PRKG2: variants seen among roughly 807,000 people sequenced by gnomAD.
PRKG2 encodes the protein protein kinase cGMP-dependent 2.
PRKG2 carries 33 observed loss-of-function variants against 97.2 expected under a neutral mutation model. The ratio of observed to expected loss-of-function variants is 0.34; its 90% CI spans 0.26 to 0.45. The LOEUF (loss-of-function observed/expected upper bound fraction) is 0.45. PRKG2 is among the 20% of genes least tolerant of loss of function. The pLI, the probability that PRKG2 is intolerant of heterozygous loss-of-function variation, is 1.00. For synonymous variants in PRKG2, 330 were observed against 321.8 expected, an observed-to-expected ratio of 1.03 and a Z score of -0.27; for missense variants, 638 against 900.0, an observed-to-expected ratio of 0.71 and a Z score of 3.73.
At chr4:81,122,801 G>A (rs1745191546) in intron 14 of PRKG2, among the ~76,000 whole-genome samples, 1 of 152,182 alleles carries the variant, frequency 6.6e-6, no homozygotes, top group Non-Finnish European at 1.5e-5. Context: ...AAGACATTGT[G>A]TCCAAAACTG....
intron 6 of PRKG2, among the ~76,000 whole-genome samples, chr4:81,154,436 C>A (rs559310970): frequency 3.0e-4 from 46 of 151,286 alleles, no homozygotes; most frequent in Admixed American, 9.2e-4. Flanking sequence ...AACGGGCAGA[C>A]TGCCTCCTCA....
chr4:81,142,741 CAA>C, intron 11 of PRKG2, 51 bp downstream of exon 11: 1 of 1,453,552 alleles, frequency 6.9e-7, no homozygotes, highest in South Asian at 1.5e-5. Context: ...GAATATAAAA[CAA>C]AAAAAAAGTC....
intron 10 of PRKG2, 56 bp from the exon 11 acceptor site, chr4:81,143,003 T>C: frequency 1.3e-6 from 2 of 1,503,748 alleles, no homozygotes; most frequent in Non-Finnish European, 1.8e-6. Flanking sequence ...GAAGGTGTCA[T>C]GCCATACATA....
chr4:81,154,621 A>G (rs1383429727), intron 6 of PRKG2, among the ~76,000 whole-genome samples: 4 of 150,622 alleles, frequency 2.7e-5, no homozygotes, highest in East Asian at 3.9e-4. Flanking sequence ...CCATCTGTAC[A>G]TCACCATCAT....
intron 14 of PRKG2, among the ~76,000 whole-genome samples, chr4:81,113,699 A>G (rs938239221): frequency 1.3e-5 from 2 of 152,132 alleles, no homozygotes; most frequent in Non-Finnish European, 2.9e-5. Context: ...ATAAAAATGG[A>G]CACAAAATGG....
At chr4:81,111,468 A>G (rs1232712884) in intron 14 of PRKG2, among the ~76,000 whole-genome samples, 1 of 152,158 alleles carries the variant, frequency 6.6e-6, no homozygotes, top group Admixed American at 6.5e-5. Flanking sequence ...ATATCATGTA[A>G]TACATGATAT....
intron 6 of PRKG2, among the ~76,000 whole-genome samples, chr4:81,162,997 T>C (rs1749695385): frequency 1.3e-5 from 2 of 152,146 alleles, no homozygotes; most frequent in Admixed American, 1.3e-4. Context: ...CTTTAATTCC[T>C]AACAACCGAA....
At chr4:81,102,535 A>G (rs1742905711) in intron 17 of PRKG2, among the ~76,000 whole-genome samples, 1 of 152,208 alleles carries the variant, frequency 6.6e-6, no homozygotes, top group Admixed American at 6.5e-5. Flanking sequence ...AGAATCTAAG[A>G]CAAATAATGA....
At chr4:81,101,161 T>C (rs1384029795) in intron 17 of PRKG2, among the ~76,000 whole-genome samples, 1 of 151,776 alleles carries the variant, frequency 6.6e-6, no homozygotes, top group Admixed American at 6.6e-5. Flanking sequence ...AGTGTGGTGA[T>C]TCCTCAGGGA....
intron 14 of PRKG2, among the ~76,000 whole-genome samples, chr4:81,130,625 T>C (rs774462917): frequency 1.3e-5 from 2 of 152,114 alleles, no homozygotes; most frequent in Non-Finnish European, 2.9e-5. Flanking sequence ...CTCCCAGGGA[T>C]AGAGTAGTTT....
intron 15 of PRKG2, among the ~76,000 whole-genome samples, chr4:81,107,081 A>G (rs1743420387): frequency 6.6e-6 from 1 of 152,240 alleles, no homozygotes; most frequent in African/African-American, 2.4e-5. Flanking sequence ...TGTGGGAGAA[A>G]CAAAGAATTC....
chr4:81,129,084 T>C (rs767327585), intron 14 of PRKG2, among the ~76,000 whole-genome samples: 12 of 152,234 alleles, frequency 7.9e-5, no homozygotes, highest in Non-Finnish European at 1.5e-4. Context: ...CCAGTAGTCA[T>C]TCAGGAGCAG....
At chr4:81,120,512 T>C (rs1222833561) in intron 14 of PRKG2, among the ~76,000 whole-genome samples, 1 of 152,228 alleles carries the variant, frequency 6.6e-6, no homozygotes, top group African/African-American at 2.4e-5. Flanking sequence ...AGATCTTACA[T>C]ATATTTTGTT....
At position 81,174,702 on chromosome 4, in the gene PRKG2, A is replaced by T; in HGVS notation, c.628+91T>A. ...AATATGTTATGTTTTCTACAAATAG[A>T]GCAACCAGTTTTATGTTTTTATAAA... is the stretch of plus-strand genomic sequence containing the variant. On this transcript the variant is annotated intron_variant, in intron 3 of 18. Coordinates refer to ENST00000264399, the MANE Select transcript of PRKG2 (RefSeq NM_006259.3). 5 of 1,302,106 alleles carry T rather than the reference A, an allele frequency of 3.8e-6. No individual in the cohort carries two copies. The South Asian group carries it at 7.7e-5, about 20-fold the overall frequency. 80.7% of individuals were successfully genotyped at this position (1,302,106 alleles called of 1,614,324 possible). A position where few individuals can be genotyped will look rare whatever the true frequency, so the allele number is the denominator to read the frequency against.
intron 14 of PRKG2, among the ~76,000 whole-genome samples, chr4:81,125,278 T>C (rs1745444207): frequency 6.6e-6 from 1 of 152,202 alleles, no homozygotes; most frequent in African/African-American, 2.4e-5. Flanking sequence ...GGCATTCCCG[T>C]TATTTCAAAA....
Position 81,204,804 on chromosome 4 carries a change from G to T in PRKG2, c.244C>A (p.Leu82Met). Reference protein sequence around the residue: ...LQNKCIQLNKLQDVVHMQGGS... With the variant: ...LQNKCIQLNKMQDVVHMQGGS... ...CCCTGCATATGCACCACATCCTGCAGCTTGTTCAGCTGGATGCACTTGTTC... is the reference window on the plus strand; with the variant it reads ...CCCTGCATATGCACCACATCCTGCATCTTGTTCAGCTGGATGCACTTGTTC... The change falls in exon 2 of 19, where the codon CTG becomes ATG. Residue 82 changes from leucine to methionine, a missense_variant. Around this residue, in one of 3 missense-constraint regions of PRKG2, gnomAD observed 332 missense variants for 421.7 expected, o/e 0.79. Transcript: ENST00000264399. The T allele has an allele frequency of 6.2e-7, 1 of 1,614,192 alleles. No individual in the cohort carries two copies. Among genetic ancestry groups the T allele is most frequent in the Non-Finnish European group, 8.5e-7 (1 of 1,180,028 alleles).
intron 13 of PRKG2, 119 bp from the exon 14 acceptor site, chr4:81,135,415 C>A: frequency 9.4e-7 from 1 of 1,068,330 alleles, no homozygotes; most frequent in Admixed American, 2.8e-5. Context: ...TGCAGGGTAT[C>A]AACAATAAAA....
intron 14 of PRKG2, among the ~76,000 whole-genome samples, chr4:81,131,541 T>C (rs1746180190): frequency 6.6e-6 from 1 of 152,234 alleles, no homozygotes; most frequent in Admixed American, 6.5e-5. Flanking sequence ...TTTTGTAATG[T>C]AAATATATAT....
At chr4:81,148,828 A>AG in intron 9 of PRKG2, 56 bp downstream of exon 9, 1 of 1,465,302 alleles carries the variant, frequency 6.8e-7, no homozygotes, top group Non-Finnish European at 9.6e-7. Context: ...AAGTAACAGA[A>AG]GGCCAAGTCT....
Sources: allele counts gnomAD v4.1 joint callset (sites outside exome capture counted in the v4.1 genomes callset), GRCh38; gene constraint gnomAD v4.1.1; regional missense constraint gnomAD v4.1.1; transcripts MANE v1.5; gene names NCBI Gene and HGNC (gene_info 2026-07-23, HGNC 2026-07-21).